GPC3: variants seen among roughly 807,000 people sequenced by gnomAD.
The protein encoded by GPC3 is glypican-3.
Under a neutral mutation model 34.4 loss-of-function variants are expected in GPC3, and 3 were observed. The ratio of observed to expected loss-of-function variants is 0.09; its 90% CI spans 0.04 to 0.23. The LOEUF is 0.23. GPC3 is among the 10% of genes least tolerant of loss of function. The pLI is 1.00. For synonymous variants in GPC3, 177 were observed against 174.0 expected, an observed-to-expected ratio of 1.02 and a Z score of -0.13; for missense variants, 351 against 445.6, an observed-to-expected ratio of 0.79 and a Z score of 1.91.
chrX:133,810,777 C>T lies in GPC3; in HGVS notation c.338-56601G>A, dbSNP rs377504250. 1.9e-3 allele frequency among the ~76,000 whole-genome samples: 193 copies of T among 103,836 alleles called. 2 individuals are homozygous for T. The highest frequency in any genetic ancestry group is 5.4e-3 in the African/African-American group (155 of 28,743). The allele number at this position is 103,836 out of a possible 115,157, so 90.2% of individuals were successfully genotyped here. On this transcript the variant is annotated intron_variant, in intron 2 of 7. Transcript: ENST00000370818. ...AAAATTAGCCGGGCATATTGGCGGG[C>T]GCCTGTAGTCCCAGCTACTCGGGTG...
intron 2 of GPC3, among the ~76,000 whole-genome samples, chrX:133,850,191 T>TTTA: frequency 1.1e-5 from 1 of 91,857 alleles, no homozygotes; most frequent in African/African-American, 5.3e-5. Flanking sequence ...TTTTTTGGGT[T>TTTA]TTGTTTTTTT....
At chrX:133,578,785 G>T (rs1228988667) in intron 7 of GPC3, among the ~76,000 whole-genome samples, 1 of 111,262 alleles carries the variant, frequency 9.0e-6, no homozygotes, top group South Asian at 3.9e-4. Flanking sequence ...TCTTTTGGTG[G>T]TGTTTCCCTG....
chrX:133,756,923 A>G (rs980572554), intron 2 of GPC3, among the ~76,000 whole-genome samples: 32 of 112,524 alleles, frequency 2.8e-4, no homozygotes, highest in African/African-American at 1.0e-3. Context: ...ACACTAGGCG[A>G]AAAGCAATGC....
intron 6 of GPC3, among the ~76,000 whole-genome samples, chrX:133,659,318 T>C (rs917035595): frequency 1.8e-5 from 2 of 112,184 alleles, no homozygotes; most frequent in Non-Finnish European, 3.8e-5. Context: ...GCTATAAATA[T>C]TTTTTAGTGA....
chrX:133,646,446 T>C (rs1337939752), intron 6 of GPC3, among the ~76,000 whole-genome samples: 1 of 111,264 alleles, frequency 9.0e-6, no homozygotes, highest in East Asian at 2.8e-4. Flanking sequence ...TAGGGGGAGG[T>C]ATGCCAAAGA....
At chrX:133,758,183 G>A (rs1316259051) in intron 2 of GPC3, among the ~76,000 whole-genome samples, 1 of 111,607 alleles carries the variant, frequency 9.0e-6, no homozygotes, top group Non-Finnish European at 1.9e-5. Flanking sequence ...ATTTGACCCA[G>A]CAATCCTAAT....
At chrX:133,873,964 C>G (rs781314213) in intron 2 of GPC3, among the ~76,000 whole-genome samples, 1 of 111,284 alleles carries the variant, frequency 9.0e-6, no homozygotes, top group Admixed American at 9.6e-5. Flanking sequence ...ATATTCTGCT[C>G]TTCAGGAGTA....
intron 7 of GPC3, among the ~76,000 whole-genome samples, chrX:133,577,384 A>G (rs1187018484): frequency 1.8e-5 from 2 of 112,435 alleles, no homozygotes; most frequent in Non-Finnish European, 3.7e-5. Flanking sequence ...ACACATACAT[A>G]CCCATAGATG....
intron 5 of GPC3, among the ~76,000 whole-genome samples, chrX:133,669,226 T>C (rs996265940): frequency 8.9e-6 from 1 of 112,245 alleles, no homozygotes; most frequent in Non-Finnish European, 1.9e-5. Context: ...CCACCATCCA[T>C]GCCACTAGAC....
At chrX:133,772,560 G>T (rs1047132486) in intron 2 of GPC3, among the ~76,000 whole-genome samples, 1 of 111,468 alleles carries the variant, frequency 9.0e-6, no homozygotes, top group Non-Finnish European at 1.9e-5. Context: ...TAAAACAAAA[G>T]TTTATTTTGT....
intron 3 of GPC3, among the ~76,000 whole-genome samples, chrX:133,738,034 A>G (rs1006362216): frequency 9.0e-6 from 1 of 111,623 alleles, no homozygotes; most frequent in Admixed American, 9.5e-5. Flanking sequence ...TGTGATCACA[A>G]TTCACTGCAG....
At chrX:133,614,292 A>G (rs1458683793) in intron 6 of GPC3, among the ~76,000 whole-genome samples, 1 of 111,731 alleles carries the variant, frequency 9.0e-6, no homozygotes, top group African/African-American at 3.2e-5. Context: ...AAACTCAAAG[A>G]GATCCACACC....
chrX:133,746,239 T>A (rs924907060), intron 3 of GPC3, among the ~76,000 whole-genome samples: 2 of 112,219 alleles, frequency 1.8e-5, no homozygotes, highest in Admixed American at 1.9e-4. Context: ...AAATCTCAGA[T>A]CTTTCACAGC....
intron 3 of GPC3, among the ~76,000 whole-genome samples, chrX:133,749,839 G>C (rs1318591853): frequency 9.0e-6 from 1 of 111,164 alleles, no homozygotes; most frequent in Admixed American, 9.6e-5. Flanking sequence ...CTTTTGCTTT[G>C]GGGCATTCTG....
rs986776659 is a variant in GPC3, at chrX:133,903,177, A to T, written c.337+49873T>A. 3.6e-5 allele frequency among the ~76,000 whole-genome samples: 4 copies of T among 111,043 alleles called. No homozygotes were observed. The South Asian group carries it at 1.1e-3, about 32-fold the overall frequency. On this transcript the variant is annotated intron_variant, in intron 2 of 7. Transcript: ENST00000370818. ...AAAAAAAAAAAAATCACCCATTTTA[A>T]TGGCTTTATCATAGTGTCCTCTACA...
At chrX:133,770,949 G>T (rs1439548107) in intron 2 of GPC3, among the ~76,000 whole-genome samples, 1 of 111,570 alleles carries the variant, frequency 9.0e-6, no homozygotes, top group Non-Finnish European at 1.9e-5. Flanking sequence ...GGGAGGGGAT[G>T]GGGGGAAGGA....
At chrX:133,715,418 G>A (rs777494967) in intron 3 of GPC3, among the ~76,000 whole-genome samples, 1 of 111,530 alleles carries the variant, frequency 9.0e-6, no homozygotes, top group South Asian at 3.8e-4. Flanking sequence ...GTGACTGTGT[G>A]AGTCAATACT....
intron 2 of GPC3, among the ~76,000 whole-genome samples, chrX:133,788,088 TTATATA>T (rs56318773): frequency 0.26 from 17,044 of 64,717 alleles, 1,999 homozygotes; most frequent in Non-Finnish European, 0.34. Flanking sequence ...TCATATTATT[TTATATA>T]TATATATATA....
intron 6 of GPC3, among the ~76,000 whole-genome samples, chrX:133,651,547 G>T (rs748947505): frequency 9.0e-6 from 1 of 111,586 alleles, no homozygotes; most frequent in South Asian, 3.8e-4. Flanking sequence ...TTATCCCCAT[G>T]GGGATATTAC....
Sources: allele counts gnomAD v4.1 joint callset (sites outside exome capture counted in the v4.1 genomes callset), GRCh38; gene constraint gnomAD v4.1.1; transcripts MANE v1.5; gene names NCBI Gene and HGNC (gene_info 2026-07-23, HGNC 2026-07-21).